The following TRPM3 variants were observed in gnomAD, a reference collection of about 807,000 sequenced individuals.
The protein encoded by TRPM3 is long transient receptor potential channel 3.
TRPM3 carries 77 observed loss-of-function variants against 181.2 expected under a neutral mutation model. The observed-to-expected ratio is 0.42, with a 90% confidence interval of 0.35 to 0.51. The LOEUF is 0.51. Among genes scored for constraint, TRPM3 ranks in the 20% least tolerant of loss-of-function variants. The pLI, the probability that TRPM3 is intolerant of heterozygous loss-of-function variation, is 0.01. For synonymous variants in TRPM3, 745 were observed against 796.4 expected (o/e 0.94, Z 1.09); for missense variants, 1,759 against 2,196.7 (o/e 0.80, Z 3.98).
intron 1 of TRPM3, among the ~76,000 whole-genome samples, chr9:71,208,363 T>C (rs2079257502): frequency 6.6e-6 from 1 of 152,154 alleles, no homozygotes; most frequent in South Asian, 2.1e-4. Context: ...ATCAATAATT[T>C]AGGTACTGAA....
intron 1 of TRPM3, among the ~76,000 whole-genome samples, chr9:71,391,205 T>C (rs1250926942): frequency 6.6e-6 from 1 of 152,028 alleles, no homozygotes; most frequent in Non-Finnish European, 1.5e-5. Context: ...CTTTTACATG[T>C]TCTCTTATTT....
At chr9:71,372,814 A>C (rs942436106) in intron 1 of TRPM3, among the ~76,000 whole-genome samples, 3 of 152,322 alleles carry the variant, frequency 2.0e-5, no homozygotes, top group African/African-American at 7.2e-5. Flanking sequence ...TGCTGTCTTC[A>C]AGAGACCCAA....
intron 1 of TRPM3, among the ~76,000 whole-genome samples, chr9:71,403,844 C>T (rs1430995088): frequency 1.3e-5 from 2 of 152,086 alleles, no homozygotes; most frequent in East Asian, 3.8e-4. Flanking sequence ...AGATAAACAA[C>T]ATGGGCATCT....
At chr9:70,573,668 A>C (rs931983986) in intron 22 of TRPM3, among the ~76,000 whole-genome samples, 28 of 150,300 alleles carry the variant, frequency 1.9e-4, no homozygotes, top group Admixed American at 1.1e-3. Flanking sequence ...AAAGTTTCCC[A>C]AAAAAAAGGT....
chr9:71,159,478 A>G (rs1004658329), intron 1 of TRPM3, among the ~76,000 whole-genome samples: 2 of 152,136 alleles, frequency 1.3e-5, no homozygotes, highest in East Asian at 1.9e-4. Flanking sequence ...TCAAGAATAC[A>G]TACTTCAATA....
chr9:70,659,080 A>T (rs2060762891), intron 9 of TRPM3, among the ~76,000 whole-genome samples: 1 of 152,120 alleles, frequency 6.6e-6, no homozygotes, highest in South Asian at 2.1e-4. Flanking sequence ...ATTTGTGAGT[A>T]GTCTTAACTT....
intron 1 of TRPM3, among the ~76,000 whole-genome samples, chr9:71,078,432 C>A (rs928455232): frequency 2.6e-5 from 4 of 152,010 alleles, no homozygotes; most frequent in African/African-American, 7.2e-5. Flanking sequence ...ATAGTAATTG[C>A]TTCTTGGGAG....
At position 70,651,567 on chromosome 9, in the gene TRPM3, G is replaced by C. The variant is rs114065133; in HGVS notation, c.1346-10907C>G. Among the ~76,000 whole-genome samples, 892 of 152,242 alleles carry C rather than the reference G, an allele frequency of 5.9e-3. 9 individuals are homozygous for C. The highest frequency in any genetic ancestry group is 0.02 in the African/African-American group (842 of 41,562). ...TGCACATACTGTTCCAGACAAAGGA[G>C]AGAACTTTGCATCTTGGGGTGTCAC... is the stretch of plus-strand genomic sequence containing the variant. On this transcript the variant is annotated intron_variant, in intron 9 of 25. Transcript: ENST00000677713.
At chr9:71,301,156 T>G (rs1566838) in intron 1 of TRPM3, among the ~76,000 whole-genome samples, 71,407 of 151,924 alleles carry the variant, frequency 0.47, 17,222 homozygotes, top group East Asian at 0.58. Context: ...GTACCAAAAA[T>G]TTTTAATTAG....
intron 1 of TRPM3, among the ~76,000 whole-genome samples, chr9:71,046,160 T>C (rs184508426): frequency 9.1e-4 from 139 of 152,240 alleles, no homozygotes; most frequent in Admixed American, 4.1e-3. Context: ...TAATTTTTTG[T>C]ATTTTTAGTA....
chr9:71,416,248 C>T (rs750056178), intron 1 of TRPM3, among the ~76,000 whole-genome samples: 14 of 151,666 alleles, frequency 9.2e-5, no homozygotes, highest in African/African-American at 2.9e-4. Flanking sequence ...TTAATCAATA[C>T]GTTAGTATGT....
intron 6 of TRPM3, among the ~76,000 whole-genome samples, chr9:70,799,133 G>A (rs2131180447): frequency 6.6e-6 from 1 of 152,296 alleles, no homozygotes; most frequent in East Asian, 1.9e-4. Context: ...TTGCTGGAAG[G>A]ATGTCTACAA....
intron 1 of TRPM3, among the ~76,000 whole-genome samples, chr9:71,062,535 A>C (rs531369566): frequency 6.6e-6 from 1 of 152,252 alleles, no homozygotes; most frequent in African/African-American, 2.4e-5. Flanking sequence ...TGATGCTTAA[A>C]ACTGCTGATT....
chr9:70,815,316 T>C (rs1317212661), intron 6 of TRPM3, among the ~76,000 whole-genome samples: 1 of 152,156 alleles, frequency 6.6e-6, no homozygotes, highest in Non-Finnish European at 1.5e-5. Context: ...CTTTAGGCTA[T>C]TTCCATTTTA....
chr9:70,867,777 T>C (rs912743011), intron 1 of TRPM3, among the ~76,000 whole-genome samples: 4 of 152,112 alleles, frequency 2.6e-5, no homozygotes, highest in African/African-American at 9.7e-5. Context: ...TTATCATGCT[T>C]TTATTCAGGT....
At chr9:71,179,425 T>C in intron 1 of TRPM3, among the ~76,000 whole-genome samples, 1 of 152,142 alleles carries the variant, frequency 6.6e-6, no homozygotes, top group Non-Finnish European at 1.5e-5. Flanking sequence ...GCAGGGAGTG[T>C]CTCCTTATTC....
intron 1 of TRPM3, among the ~76,000 whole-genome samples, chr9:71,273,844 C>A (rs796791799): frequency 6.6e-6 from 1 of 152,162 alleles, no homozygotes; most frequent in Non-Finnish European, 1.5e-5. Flanking sequence ...ACCTTGATCT[C>A]CATATTGGTA....
At position 70,681,552 on chromosome 9, in the gene TRPM3, T is replaced by C. The variant is rs1276419404; in HGVS notation, c.1299A>G (p.Glu433=). The part of the protein sequence containing the change: ...ELITVFRMGS[E]GHQDIDLAIL... ...TAGCCAAATCAATGTCCTGGTGTCC[T>C]TCTGATCCCATCCGAAATACCGTAA... Residue 433 remains glutamate, a synonymous_variant, in exon 9 of 26, where the codon GAA becomes GAG. Transcript: ENST00000677713. 2 of 1,613,784 alleles carry C rather than the reference T, an allele frequency of 1.2e-6. No individual in the cohort carries two copies. Among genetic ancestry groups the C allele is most frequent in the East Asian group, 4.5e-5 (2 of 44,874 alleles).
At chr9:71,136,467 A>G (rs1204754672) in intron 1 of TRPM3, among the ~76,000 whole-genome samples, 1 of 152,164 alleles carries the variant, frequency 6.6e-6, no homozygotes, top group Non-Finnish European at 1.5e-5. Context: ...ATAGGACCAT[A>G]TTGTGACTGG....
Sources: gnomAD v4.1 joint callset for allele counts (sites outside exome capture counted in the v4.1 genomes callset) on GRCh38, gnomAD v4.1.1 for gene constraint, MANE v1.5 for transcripts, NCBI Gene and HGNC (gene_info 2026-07-23, HGNC 2026-07-21) for gene names.